Variants in CSMD1 observed in about 807,000 individuals in gnomAD.
CSMD1 encodes the protein CUB and sushi domain-containing protein 1.
Under a neutral mutation model 417.5 loss-of-function variants are expected in CSMD1, and 213 were observed. The ratio of observed to expected loss-of-function variants is 0.51; its 90% CI spans 0.46 to 0.57. The LOEUF (loss-of-function observed/expected upper bound fraction) is 0.57, where lower values mean the gene tolerates loss of function less well. CSMD1 is among the 20% of genes least tolerant of loss of function. The probability of loss-of-function intolerance (pLI) is 0.00; values close to 1 mark genes in which losing one functional copy is unlikely to be tolerated. For missense variants in CSMD1, 6,923 were observed against 4,529.7 expected, an observed-to-expected ratio of 1.53 and a Z score of -15.17; for synonymous variants, 2,862 against 1,736.8, an observed-to-expected ratio of 1.65 and a Z score of -16.11.
intron 1 of CSMD1, among the ~76,000 whole-genome samples, chr8:4,640,866 A>T (rs1056083931): frequency 5.5e-5 from 7 of 126,990 alleles, no homozygotes; most frequent in African/African-American, 2.3e-4. Flanking sequence ...TATTGCTAAA[A>T]AAAAAAAAAA....
chr8:3,882,351 A>G (rs1806263937), intron 5 of CSMD1, among the ~76,000 whole-genome samples: 1 of 152,252 alleles, frequency 6.6e-6, no homozygotes, highest in African/African-American at 2.4e-5. Context: ...CGACGATGAC[A>G]GAATACTGCA....
intron 1 of CSMD1, among the ~76,000 whole-genome samples, chr8:4,929,753 T>C (rs1807118632): frequency 6.6e-6 from 1 of 152,258 alleles, no homozygotes; most frequent in South Asian, 2.1e-4. Flanking sequence ...CCCTAAGCCA[T>C]GGTTATTATA....
intron 5 of CSMD1, among the ~76,000 whole-genome samples, chr8:3,942,851 C>T (rs1238056607): frequency 3.3e-5 from 5 of 152,030 alleles, no homozygotes; most frequent in Non-Finnish European, 5.9e-5. Flanking sequence ...TAGTATCGTC[C>T]CACAAATTGA....
intron 3 of CSMD1, among the ~76,000 whole-genome samples, chr8:4,175,594 A>C (rs1797996407): frequency 6.6e-6 from 1 of 152,170 alleles, no homozygotes; most frequent in African/African-American, 2.4e-5. Flanking sequence ...GAGAGTAAAT[A>C]TACAATGATC....
intron 40 of CSMD1, among the ~76,000 whole-genome samples, chr8:3,150,785 T>C (rs1243004834): frequency 6.6e-6 from 1 of 152,000 alleles, no homozygotes; most frequent in East Asian, 1.9e-4. Flanking sequence ...TGAGAGGGGA[T>C]CAAAATTTCA....
At chr8:3,116,834 GT>G (rs753481549) in intron 42 of CSMD1, among the ~76,000 whole-genome samples, 1 of 151,836 alleles carries the variant, frequency 6.6e-6, no homozygotes, top group Non-Finnish European at 1.5e-5. Flanking sequence ...ATAAGAAGAG[GT>G]TTCAATCCTG....
chr8:4,255,331 T>C (rs1277450533), intron 3 of CSMD1, among the ~76,000 whole-genome samples: 2 of 152,196 alleles, frequency 1.3e-5, no homozygotes, highest in East Asian at 1.9e-4. Flanking sequence ...GAGCTGTTAA[T>C]ATCTGCAGTC....
chr8:3,905,185 T>C (rs1273375475), intron 5 of CSMD1, among the ~76,000 whole-genome samples: 6 of 152,032 alleles, frequency 3.9e-5, no homozygotes, highest in Non-Finnish European at 1.5e-5. Context: ...ATAGAAAAAA[T>C]ATGTTCATAT....
intron 3 of CSMD1, among the ~76,000 whole-genome samples, chr8:4,386,593 G>C (rs182624687): frequency 4.6e-5 from 7 of 152,212 alleles, no homozygotes; most frequent in African/African-American, 1.7e-4. Context: ...TGTTACGGCA[G>C]GGCATGCAGT....
At chr8:3,642,246 C>T (rs78741791) in intron 7 of CSMD1, among the ~76,000 whole-genome samples, 2,338 of 151,924 alleles carry the variant, frequency 0.015, 71 homozygotes, top group Admixed American at 0.08. Flanking sequence ...CCCAAGAAGT[C>T]ACATACACTC....
intron 3 of CSMD1, among the ~76,000 whole-genome samples, chr8:4,280,278 G>A (rs986126022): frequency 3.9e-5 from 6 of 152,094 alleles, no homozygotes; most frequent in African/African-American, 1.2e-4. Context: ...ATATTAGCAC[G>A]TTTTTATAAT....
At chr8:3,033,614 G>A (rs911547847) in intron 50 of CSMD1, among the ~76,000 whole-genome samples, 1 of 150,724 alleles carries the variant, frequency 6.6e-6, no homozygotes, top group Non-Finnish European at 1.5e-5. Context: ...TAAGGGACAA[G>A]AGGAGGGAGA....
intron 3 of CSMD1, among the ~76,000 whole-genome samples, chr8:4,166,075 G>A (rs142407567): frequency 6.6e-6 from 1 of 152,064 alleles, no homozygotes; most frequent in Non-Finnish European, 1.5e-5. Flanking sequence ...TCCCAATCTT[G>A]CATTAATTAC....
At chr8:3,277,331 ACCTGGGTG>A (rs1802373994) in intron 26 of CSMD1, among the ~76,000 whole-genome samples, 1 of 152,152 alleles carries the variant, frequency 6.6e-6, no homozygotes, top group Non-Finnish European at 1.5e-5. Flanking sequence ...GAAAAGGTTC[ACCTGGGTG>A]CCTGTGCGCA....
intron 1 of CSMD1, among the ~76,000 whole-genome samples, chr8:4,931,303 A>T (rs1807228982): frequency 6.6e-6 from 1 of 152,120 alleles, no homozygotes; most frequent in Admixed American, 6.5e-5. Flanking sequence ...ATCAGGACAT[A>T]GTTCTCCTTC....
At chr8:4,081,747 A>G (rs1800145853) in intron 3 of CSMD1, among the ~76,000 whole-genome samples, 1 of 152,236 alleles carries the variant, frequency 6.6e-6, no homozygotes, top group African/African-American at 2.4e-5. Context: ...TAACAAGAGT[A>G]TTTTTTAAAG....
At chr8:4,629,211 G>C (rs914363084) in intron 2 of CSMD1, among the ~76,000 whole-genome samples, 8 of 152,262 alleles carry the variant, frequency 5.3e-5, no homozygotes, top group East Asian at 1.9e-4. Flanking sequence ...TGAATGAAAA[G>C]TTTGTACTTT....
At chr8:3,126,270 T>A (rs17079477) in intron 41 of CSMD1, among the ~76,000 whole-genome samples, 3,939 of 152,316 alleles carry the variant, frequency 0.026, 177 homozygotes, top group African/African-American at 0.09. Flanking sequence ...CAGTAAAGCT[T>A]AGTCTTGATG....
intron 1 of CSMD1, among the ~76,000 whole-genome samples, chr8:4,719,850 T>A (rs1808936168): frequency 6.6e-6 from 1 of 152,174 alleles, no homozygotes; most frequent in African/African-American, 2.4e-5. Flanking sequence ...ATTAAAGTAG[T>A]ATAAAATATG....
Sources: gnomAD v4.1 joint callset for allele counts (sites outside exome capture counted in the v4.1 genomes callset) on GRCh38, gnomAD v4.1.1 for gene constraint, MANE v1.5 for transcripts, NCBI Gene and HGNC (gene_info 2026-07-23, HGNC 2026-07-21) for gene names.